The following L3MBTL3 variants were observed in gnomAD, a reference collection of about 807,000 sequenced individuals.
The protein encoded by L3MBTL3 is L3MBTL histone methyl-lysine binding protein 3, also known as lethal(3)malignant brain tumor-like protein 3.
L3MBTL3 carries 27 observed loss-of-function variants against 102.3 expected under a neutral mutation model. That is an observed-to-expected ratio of 0.26 (90% CI 0.19 to 0.36). The LOEUF (loss-of-function observed/expected upper bound fraction) is 0.36, where lower values mean the gene tolerates loss of function less well. Among genes scored for constraint, L3MBTL3 ranks in the 10% least tolerant of loss-of-function variants. The pLI, the probability that L3MBTL3 is intolerant of heterozygous loss-of-function variation, is 1.00. For missense variants in L3MBTL3, 798 were observed against 955.3 expected (o/e 0.84, Z 2.17); for synonymous variants, 340 against 320.9 (o/e 1.06, Z -0.64).
intron 2 of L3MBTL3, among the ~76,000 whole-genome samples, chr6:130,037,410 C>T (rs752463458): frequency 9.9e-5 from 15 of 151,920 alleles, no homozygotes; most frequent in Admixed American, 3.3e-4. Flanking sequence ...GATATTCTGT[C>T]GCTCTACTGT....
intron 14 of L3MBTL3, among the ~76,000 whole-genome samples, chr6:130,078,836 T>C: frequency 6.6e-6 from 1 of 152,208 alleles, no homozygotes; most frequent in East Asian, 1.9e-4. Context: ...AGTAACAGTT[T>C]ATTTACAAAA....
At chr6:130,047,681 C>T (rs1047857081) in intron 3 of L3MBTL3, among the ~76,000 whole-genome samples, 2 of 152,106 alleles carry the variant, frequency 1.3e-5, no homozygotes, top group Non-Finnish European at 2.9e-5. Flanking sequence ...AATTTTAATT[C>T]AAATTGATTT....
intron 2 of L3MBTL3, among the ~76,000 whole-genome samples, chr6:130,037,075 T>A (rs887332988): frequency 5.3e-5 from 8 of 152,162 alleles, no homozygotes; most frequent in Admixed American, 3.3e-4. Context: ...ATTGAAATAA[T>A]ATATGTAAAT....
chr6:130,023,588 A>T (rs1779146632), intron 2 of L3MBTL3, among the ~76,000 whole-genome samples: 1 of 152,168 alleles, frequency 6.6e-6, no homozygotes, highest in Non-Finnish European at 1.5e-5. Flanking sequence ...TGTATATGTC[A>T]CTCTACCTCC....
intron 10 of L3MBTL3, among the ~76,000 whole-genome samples, chr6:130,063,014 T>A (rs1782006602): frequency 6.6e-6 from 1 of 151,346 alleles, no homozygotes; most frequent in African/African-American, 2.4e-5. Context: ...CTGTTTTTTT[T>A]TCGCCCCTTT....
At chr6:130,029,691 AG>A (rs766542109) in intron 2 of L3MBTL3, among the ~76,000 whole-genome samples, 11 of 152,146 alleles carry the variant, frequency 7.2e-5, no homozygotes, top group Non-Finnish European at 1.3e-4. Context: ...GAAATTAAAT[AG>A]GCCTTTTTTG....
intron 3 of L3MBTL3, among the ~76,000 whole-genome samples, chr6:130,048,135 G>A (rs200716365): frequency 1.3e-5 from 2 of 152,168 alleles, no homozygotes; most frequent in East Asian, 3.8e-4. Context: ...TTTCCAACTT[G>A]CAGTTTAGAA....
At chr6:130,036,336 C>G (rs561609349) in intron 2 of L3MBTL3, among the ~76,000 whole-genome samples, 1 of 152,156 alleles carries the variant, frequency 6.6e-6, no homozygotes, top group Non-Finnish European at 1.5e-5. Flanking sequence ...TACCCATAGG[C>G]TTCAAAATTA....
In L3MBTL3 at chr6:130,133,522, A is replaced by G. The variant is rs760555079; in HGVS notation, c.2037A>G (p.Pro679=). ...CTGTCTTTCTGTCCTTTAAGTCCCC[A>G]ATTCCATGTCTGCCCTTGCGCTGGG... ...RSAVFLSFKS[P]IPCLPLRWEQ... is the part of the protein sequence containing the mutation. Residue 679 remains proline, a synonymous_variant, in exon 21 of 23, where the codon CCA becomes CCG. Transcript: ENST00000361794. The surrounding 1 kb of genome is among the most constrained non-coding windows in gnomAD (Gnocchi z 4.9). The G allele has an allele frequency of 6.2e-7, 1 of 1,614,072 alleles. No individual in the cohort carries two copies.
At chr6:130,108,212 G>GTTAGGTGGT (rs1330974374) in intron 19 of L3MBTL3, among the ~76,000 whole-genome samples, 57 of 133,660 alleles carry the variant, frequency 4.3e-4, no homozygotes, top group Non-Finnish European at 7.7e-4. Context: ...CTCAATAAAT[G>GTTAGGTGGT]TTAGGTGGTT....
At chr6:130,041,539 A>G (rs1388336658) in intron 2 of L3MBTL3, among the ~76,000 whole-genome samples, 1 of 152,188 alleles carries the variant, frequency 6.6e-6, no homozygotes, top group Non-Finnish European at 1.5e-5. Context: ...AAGGTGATCA[A>G]TGAGGTGTTC....
chr6:130,067,987 G>T (rs1229211221), intron 11 of L3MBTL3, among the ~76,000 whole-genome samples: 1 of 152,104 alleles, frequency 6.6e-6, no homozygotes, highest in Non-Finnish European at 1.5e-5. Flanking sequence ...GAAAAATAAA[G>T]AATTTTGACT....
chr6:130,075,629 G>GC (rs1307689735), intron 13 of L3MBTL3, among the ~76,000 whole-genome samples: 1 of 152,164 alleles, frequency 6.6e-6, no homozygotes, highest in East Asian at 1.9e-4. Context: ...AGTGCTGAAG[G>GC]CAAATGGATT....
intron 9 of L3MBTL3, among the ~76,000 whole-genome samples, chr6:130,058,098 G>A (rs1421890197): frequency 7.1e-6 from 1 of 141,512 alleles, no homozygotes; most frequent in Non-Finnish European, 1.5e-5. Flanking sequence ...AGCCGAGATT[G>A]CGCCATTGCA....
At chr6:130,076,268 C>T (rs1782942050) in intron 13 of L3MBTL3, among the ~76,000 whole-genome samples, 1 of 152,150 alleles carries the variant, frequency 6.6e-6, no homozygotes, top group South Asian at 2.1e-4. Context: ...CAATGTTCTC[C>T]TTTGACTCTG....
At chr6:130,115,554 C>T in intron 19 of L3MBTL3, among the ~76,000 whole-genome samples, 1 of 152,168 alleles carries the variant, frequency 6.6e-6, no homozygotes, top group Admixed American at 6.5e-5. Flanking sequence ...TGCACATATT[C>T]AACTGCCATC....
Position 130,022,303 on chromosome 6 carries a change from A to G in L3MBTL3, c.-18A>G, listed in dbSNP as rs1404196271. On this transcript the variant is annotated splice_region_variant and 5_prime_UTR_variant, in exon 2 of 23. Coordinates refer to ENST00000361794, the MANE Select transcript of L3MBTL3 (RefSeq NM_032438.4). ...GAGTTCTGTGTTTCATCACCGCCGA[A>G]AGGTAAGACCCACTTGTTGAAATAA... 6.6e-6 allele frequency: 1 copy of G among 152,226 alleles called. No individual in the cohort carries two copies. Among genetic ancestry groups the G allele is most frequent in the Admixed American group, 6.5e-5 (1 of 15,292 alleles). The allele number at this position is 152,226 out of a possible 1,614,324, so 9.4% of individuals were successfully genotyped here. A position where few individuals can be genotyped will look rare whatever the true frequency, so the allele number is the denominator to read the frequency against.
chr6:130,084,504 A>T (rs973324946), intron 15 of L3MBTL3, among the ~76,000 whole-genome samples: 2 of 152,174 alleles, frequency 1.3e-5, no homozygotes, highest in African/African-American at 4.8e-5. Context: ...AAATTTTAAG[A>T]GCAAAACCAT....
Position 130,071,034 on chromosome 6 carries a change from A to G in L3MBTL3, c.1151A>G (p.Asn384Ser), listed in dbSNP as rs1380328962. ...AAGCTTGAGGCAGTAGACAAAAAGAATCCCTCATTCATCTGTGTTGCTACG... is the reference window on the plus strand; with the variant it reads ...AAGCTTGAGGCAGTAGACAAAAAGAGTCCCTCATTCATCTGTGTTGCTACG... Reference protein sequence around the residue: ...GMKLEAVDKKNPSFICVATVT... With the variant: ...GMKLEAVDKKSPSFICVATVT... The change falls in exon 13 of 23, where the codon AAT (asparagine) becomes AGT (serine). Residue 384 changes from asparagine (N) to serine (S), a missense_variant. Transcript: ENST00000361794. The G allele has an allele frequency of 6.2e-7, 1 of 1,613,262 alleles. No individual in the cohort carries two copies. Among genetic ancestry groups the G allele is most frequent in the Admixed American group, 1.7e-5 (1 of 59,950 alleles).
Sources: gnomAD v4.1 joint callset for allele counts (sites outside exome capture counted in the v4.1 genomes callset) on GRCh38, gnomAD v4.1.1 for gene constraint, Gnocchi (gnomAD v3.1) non-coding constraint, MANE v1.5 for transcripts, NCBI Gene and HGNC (gene_info 2026-07-23, HGNC 2026-07-21) for gene names.